The following GNG7 variants were observed in gnomAD, a reference collection of about 807,000 sequenced individuals.
The protein encoded by GNG7 is G protein subunit gamma 7.
A neutral mutation model predicts 4.0 loss-of-function variants in GNG7; 1 was observed. That is an observed-to-expected ratio of 0.25 (90% CI 0.09 to 1.18). The LOEUF (loss-of-function observed/expected upper bound fraction) is 1.18, where lower values mean the gene tolerates loss of function less well. Ranked by LOEUF, GNG7 falls within the 50% of genes most tolerant of loss-of-function variation. GNG7 has a pLI of 0.50. For missense variants in GNG7, 86 were observed against 91.9 expected, an observed-to-expected ratio of 0.94 and a Z score of 0.26; for synonymous variants, 34 against 36.9, an observed-to-expected ratio of 0.92 and a Z score of 0.29.
At chr19:2,695,921 G>C (rs1452809817) in intron 1 of GNG7, among the ~76,000 whole-genome samples, 2 of 152,168 alleles carry the variant, frequency 1.3e-5, no homozygotes, top group Non-Finnish European at 2.9e-5. Flanking sequence ...CACTTTGGGA[G>C]GCCGAGGCGG....
At chr19:2,681,871 T>C (rs1247218870) in intron 1 of GNG7, among the ~76,000 whole-genome samples, 1 of 152,224 alleles carries the variant, frequency 6.6e-6, no homozygotes, top group Non-Finnish European at 1.5e-5. Context: ...CCCTGAGGAC[T>C]GATGCGGAGC....
chr19:2,661,302 G>GAAAAAGAAAGAAAGAAAGAAAGAA, intron 1 of GNG7, among the ~76,000 whole-genome samples: 1 of 73,122 alleles, frequency 1.4e-5, no homozygotes, highest in African/African-American at 5.4e-5. Context: ...AAGAAAGAAA[G>GAAAAAGAAAGAAAGAAAGAAAGAA]AGAAAGAAAG....
At position 2,511,956 on chromosome 19, in the gene GNG7, G is replaced by A; in HGVS notation, c.*3066C>T. 3.0e-6 allele frequency: 3 copies of A among 985,916 alleles called. No individual in the cohort carries two copies. The South Asian group carries it at 1.4e-4, about 46-fold the overall frequency. 61.1% of individuals were successfully genotyped at this position (985,916 alleles called of 1,614,324 possible). A position where few individuals can be genotyped will look rare whatever the true frequency, so the allele number is the denominator to read the frequency against. ...CCCAGGTGGGTCACAACAGGGTCGG[G>A]GCCTGGCCCGCTGTGGCCCTTCACC... On this transcript the variant is annotated 3_prime_UTR_variant, in exon 5 of 5. Coordinates refer to ENST00000382159, the MANE Select transcript of GNG7 (RefSeq NM_052847.3). The surrounding 1 kb of genome is among the most constrained non-coding windows in gnomAD (Gnocchi z 6.3).
chr19:2,528,202 T>C (rs1384317671), intron 3 of GNG7, among the ~76,000 whole-genome samples: 3 of 124,834 alleles, frequency 2.4e-5, no homozygotes, highest in African/African-American at 6.4e-5. Context: ...ACCCAGGAGG[T>C]GGAGGTTGCA....
At chr19:2,595,732 C>T (rs374643512) in intron 2 of GNG7, among the ~76,000 whole-genome samples, 191 of 141,778 alleles carry the variant, frequency 1.3e-3, no homozygotes, top group East Asian at 5.6e-3. Flanking sequence ...GAGACTCTGT[C>T]TCAAAAAAAA....
At chr19:2,605,854 C>T (rs527328803) in intron 2 of GNG7, among the ~76,000 whole-genome samples, 1 of 152,202 alleles carries the variant, frequency 6.6e-6, no homozygotes, top group Admixed American at 6.6e-5. Flanking sequence ...GTTTAGGGTC[C>T]ACCTGGAGAA....
At chr19:2,528,916 C>T (rs1343230925) in intron 3 of GNG7, among the ~76,000 whole-genome samples, 1 of 152,240 alleles carries the variant, frequency 6.6e-6, no homozygotes, top group Non-Finnish European at 1.5e-5. Flanking sequence ...ATAAACACAG[C>T]TGCTGGAAAG....
At chr19:2,689,540 T>A (rs778718186) in intron 1 of GNG7, among the ~76,000 whole-genome samples, 3 of 144,992 alleles carry the variant, frequency 2.1e-5, no homozygotes, top group Non-Finnish European at 4.4e-5. Context: ...GGAGGATCAC[T>A]TGAACCTGGG....
rs555015033 is a variant in GNG7 at position 2,686,224 on chromosome 19, C to A, written c.-135+16422G>T. ...CCAGGCTGGAGTGCAGTGGTGCGAT[C>A]TCAGCTCACTGCAACCTCCGCCACC... is the stretch of plus-strand genomic sequence containing the variant. On this transcript the variant is annotated intron_variant, in intron 1 of 4. Coordinates refer to ENST00000382159, the MANE Select transcript of GNG7 (RefSeq NM_052847.3). 2.0e-5 allele frequency among the ~76,000 whole-genome samples: 3 copies of A among 151,582 alleles called. No homozygotes were observed. In the South Asian group the frequency reaches 6.2e-4, roughly 31 times the overall value.
At chr19:2,693,911 C>G (rs1179021572) in intron 1 of GNG7, among the ~76,000 whole-genome samples, 1 of 152,102 alleles carries the variant, frequency 6.6e-6, no homozygotes, top group Admixed American at 6.6e-5. Context: ...TGGAGGCTCT[C>G]AGAGGTCGAG....
In GNG7 at chr19:2,575,405, T is replaced by C. The variant is rs1980276690; in HGVS notation, c.-77-20217A>G. On this transcript the variant is annotated intron_variant, in intron 2 of 4. Coordinates refer to ENST00000382159, the MANE Select transcript of GNG7 (RefSeq NM_052847.3). ...CTTTTTGGGCATCCTTTGGGATTGA[T>C]CTGGAAAGCTCCAGGGAAGTGTACA... is the stretch of plus-strand genomic sequence containing the variant. 2.6e-5 allele frequency among the ~76,000 whole-genome samples: 4 copies of C among 152,188 alleles called. No individual in the cohort carries two copies. The South Asian group carries it at 6.2e-4, about 24-fold the overall frequency.
chr19:2,622,760 A>C (rs942570412), intron 2 of GNG7, among the ~76,000 whole-genome samples: 5 of 149,038 alleles, frequency 3.4e-5, no homozygotes, highest in Middle Eastern at 3.5e-3. Context: ...ACCCAATGCG[A>C]GCAACGCGGC....
intron 2 of GNG7, among the ~76,000 whole-genome samples, chr19:2,576,780 C>T (rs2907338): frequency 0.13 from 19,488 of 152,104 alleles, 1,338 homozygotes; most frequent in South Asian, 0.17. Context: ...AACTCCTGAA[C>T]GCAAGCGATC....
rs571617012 is a variant in GNG7, at chr19:2,546,672, G to A, written c.-38+8477C>T. ...CAGCCGGAGCTTGGAGCCTAAGAATGAGCCGGCTTGTTCAGACAAAGAGGC... is the reference window on the plus strand; with the variant it reads ...CAGCCGGAGCTTGGAGCCTAAGAATAAGCCGGCTTGTTCAGACAAAGAGGC... On this transcript the variant is annotated intron_variant, in intron 3 of 4. Transcript: ENST00000382159. The surrounding 1 kb of genome is among the most constrained non-coding windows in gnomAD (Gnocchi z 6.3). 6.6e-6 allele frequency among the ~76,000 whole-genome samples: 1 copy of A among 152,316 alleles called. No individual in the cohort carries two copies. The highest frequency in any genetic ancestry group is 2.1e-4 in the South Asian group (1 of 4,826).
intron 3 of GNG7, among the ~76,000 whole-genome samples, chr19:2,537,786 T>G (rs567064558): frequency 2.0e-5 from 3 of 152,084 alleles, no homozygotes; most frequent in African/African-American, 7.2e-5. Context: ...ATGAAAGGTC[T>G]TGAGGGAAGC....
intron 2 of GNG7, among the ~76,000 whole-genome samples, chr19:2,605,444 C>T (rs1981348452): frequency 1.3e-5 from 2 of 151,146 alleles, no homozygotes; most frequent in South Asian, 4.2e-4. Context: ...AGTGATCCTC[C>T]TGCCTCAGCC....
intron 3 of GNG7, among the ~76,000 whole-genome samples, chr19:2,523,847 T>C (rs1012609683): frequency 6.6e-6 from 1 of 152,126 alleles, no homozygotes; most frequent in East Asian, 1.9e-4. Context: ...AAAATCCCTT[T>C]GACACCGCCC....
chr19:2,607,576 A>G (rs1011549151), intron 2 of GNG7, among the ~76,000 whole-genome samples: 4 of 72,732 alleles, frequency 5.5e-5, no homozygotes, highest in East Asian at 3.8e-4. Flanking sequence ...AAAAAAAAAA[A>G]AAAGAAAGAA....
At position 2,546,848 on chromosome 19, in the gene GNG7, G is replaced by C. The variant is rs1259950143; in HGVS notation, c.-38+8301C>G. Among the ~76,000 whole-genome samples the C allele has an allele frequency of 6.6e-6, 1 of 152,172 alleles. No individual in the cohort carries two copies. The highest frequency in any genetic ancestry group is 1.5e-5 in the Non-Finnish European group (1 of 68,012). On this transcript the variant is annotated intron_variant, in intron 3 of 4. Transcript: ENST00000382159. This position sits in a 1 kb window ranked among gnomAD's most constrained non-coding sequence, Gnocchi z 6.3. ...GGTCATGTGAGAGTTTGCAAGCCCG[G>C]GAACCGGGGCCGGGCCAGGACACTG...
Sources: gnomAD v4.1 joint callset for allele counts (sites outside exome capture counted in the v4.1 genomes callset) on GRCh38, gnomAD v4.1.1 for gene constraint, Gnocchi (gnomAD v3.1) non-coding constraint, MANE v1.5 for transcripts, NCBI Gene and HGNC (gene_info 2026-07-23, HGNC 2026-07-21) for gene names.